Variants in FUS observed in about 807,000 individuals in gnomAD.
FUS encodes RNA-binding protein FUS.
In FUS, 5 loss-of-function variants were observed where a neutral mutation model predicts 82.7. That is an observed-to-expected ratio of 0.06 (90% CI 0.03 to 0.13). The LOEUF (loss-of-function observed/expected upper bound fraction) is 0.13, where lower values mean the gene tolerates loss of function less well. FUS is among the 10% of genes least tolerant of loss of function. FUS has a pLI of 1.00. For synonymous variants in FUS, 281 were observed against 247.4 expected (o/e 1.14, Z -1.27); for missense variants, 512 against 707.8 (o/e 0.72, Z 3.14).
chr16:31,194,369 A>T (rs1243577654), downstream of FUS: 2 of 516,590 alleles, frequency 3.9e-6, no homozygotes, highest in Admixed American at 4.6e-5. Context: ...ACCAACTGCA[A>T]CCTCTGCCTC....
At chr16:31,187,696 A>G (rs1415925232) in intron 7 of FUS, 1 of 234,296 alleles carries the variant, frequency 4.3e-6, no homozygotes, top group Non-Finnish European at 8.4e-6. Flanking sequence ...ACATTGGTCA[A>G]AGATGGTCTC....
Position 31,180,151 on chromosome 16 carries a change from A to C in FUS, c.-64A>C, listed in dbSNP as rs766727320. ...AGGAGGCGGGGCTGCTCAGTCCTCC[A>C]GGCGTCGGTACTCAGCGGTGTTGGA... is the stretch of plus-strand genomic sequence containing the variant. On this transcript the variant is annotated 5_prime_UTR_variant, in exon 1 of 15. Transcript: ENST00000254108. The C allele has an allele frequency of 5.7e-5, 90 of 1,590,518 alleles. No individual in the cohort carries two copies. Among genetic ancestry groups the C allele is most frequent in the Non-Finnish European group, 6.2e-5 (73 of 1,168,070 alleles).
chr16:31,184,480 G>C (rs2079231306), intron 5 of FUS, 84 bp downstream of exon 5: 6 of 1,307,608 alleles, frequency 4.6e-6, no homozygotes, highest in Non-Finnish European at 6.3e-6. Flanking sequence ...CTCTGTCTCT[G>C]TTGCTGAGGC....
At chr16:31,186,464 A>G (rs2079271094) in intron 6 of FUS, 2 of 445,926 alleles carry the variant, frequency 4.5e-6, no homozygotes, top group Non-Finnish European at 8.3e-6. Context: ...TAAACCAACT[A>G]CTTGGTTGTC....
At chr16:31,180,456 C>T (rs2058038705) in intron 1 of FUS, among the ~76,000 whole-genome samples, 1 of 151,056 alleles carries the variant, frequency 6.6e-6, no homozygotes, top group Non-Finnish European at 1.5e-5. Flanking sequence ...AGTCCGTTTG[C>T]TTGGGGTGGG....
chr16:31,187,206 C>T, intron 7 of FUS: 1 of 388,614 alleles, frequency 2.6e-6, no homozygotes, highest in Non-Finnish European at 4.8e-6. Context: ...ATCGTTGTGT[C>T]CAAGGCTTGT....
chr16:31,180,866 C>T (rs2058048424), intron 1 of FUS, among the ~76,000 whole-genome samples: 1 of 151,812 alleles, frequency 6.6e-6, no homozygotes, highest in Non-Finnish European at 1.5e-5. Context: ...GGTCAGGGTT[C>T]GACCAACGGA....
Position 31,184,363 on chromosome 16 carries a change from A to G in FUS, c.490A>G (p.Ser164Gly). 2 of 1,613,932 alleles carry G rather than the reference A, an allele frequency of 1.2e-6. No homozygotes were observed. Among genetic ancestry groups the G allele is most frequent in the Non-Finnish European group, 1.7e-6 (2 of 1,179,972 alleles). ...TGGACAGCAGAACCAGTACAACAGC[A>G]GCAGTGGTGGTGGAGGTGGAGGTGG... ...GYGQQNQYNS[S>G]SGGGGGGGGG... The change falls in exon 5 of 15, where the codon AGC becomes GGC. Residue 164 changes from serine (S) to glycine (G), a missense_variant. Ser to Gly is a moderately conservative substitution (Grantham distance 56). Coordinates refer to ENST00000254108, the MANE Select transcript of FUS (RefSeq NM_004960.4).
intron 8 of FUS, 109 bp downstream of exon 8, chr16:31,188,466 G>A (rs779805277): frequency 2.6e-5 from 30 of 1,159,956 alleles, no homozygotes; most frequent in Non-Finnish European, 3.5e-5. Context: ...TGGGGATAGA[G>A]AAGGAAGGGA....
chr16:31,191,255 T>C (rs2079353471), intron 14 of FUS, 144 bp from the exon 15 acceptor site: 2 of 1,473,694 alleles, frequency 1.4e-6, no homozygotes, highest in Admixed American at 3.6e-5. Context: ...GAAGGAAAAT[T>C]AACTCAGGGG....
chr16:31,188,119 A>G (rs2079297456), intron 7 of FUS: 2 of 608,484 alleles, frequency 3.3e-6, no homozygotes, highest in African/African-American at 3.7e-5. Context: ...CAAGTTACAG[A>G]TCTTAAGGGG....
chr16:31,185,768 A>G (rs2079260312), intron 6 of FUS: 3 of 325,904 alleles, frequency 9.2e-6, no homozygotes, highest in Non-Finnish European at 1.2e-5. Context: ...ATATGCTTTG[A>G]CAGTGGTCTC....
At position 31,191,385 on chromosome 16, in the gene FUS, T is replaced by TC. The variant is rs1284225524; in HGVS notation, c.1542-14_1542-13insC. The TC allele has an allele frequency of 6.2e-7, 1 of 1,611,402 alleles. No individual in the cohort carries two copies. Among genetic ancestry groups the TC allele is most frequent in the African/African-American group, 1.3e-5 (1 of 74,706 alleles). ...AATATAATGGATACTTAATTTTTTT[T>TC]TTTTTTTTTGCAGGGGTGAGCACAG... On this transcript the variant is annotated splice_polypyrimidine_tract_variant and intron_variant, in intron 14 of 14. Transcript: ENST00000254108.
intron 12 of FUS, 122 bp downstream of exon 12, chr16:31,190,520 T>G: frequency 1.3e-6 from 2 of 1,486,112 alleles, no homozygotes; most frequent in Non-Finnish European, 9.4e-7. Flanking sequence ...TGGGGTCAGA[T>G]TTAGCCAAAA....
rs772943835 is a variant in FUS at position 31,183,922 on chromosome 16, G to A, written c.255G>A (p.Gln85=). The change falls in exon 4 of 15, where the codon CAG becomes CAA. Residue 85 remains glutamine, a synonymous_variant. Coordinates refer to ENST00000254108, the MANE Select transcript of FUS (RefSeq NM_004960.4). ...CGACTGGCGGCTATGGCAGTAGCCA[G>A]AGCTCCCAATCGTCTTACGGGCAGC... ...YGSTGGYGSS[Q]SSQSSYGQQS... The A allele has an allele frequency of 6.2e-7, 1 of 1,614,002 alleles. No individual in the cohort carries two copies.
At chr16:31,192,628 T>G (rs980672285), downstream of FUS, 1 of 486,256 alleles carries the variant, frequency 2.1e-6, no homozygotes, top group Non-Finnish European at 4.1e-6. Context: ...TGGCGTGATC[T>G]CGGCTCACTG....
intron 6 of FUS, 66 bp downstream of exon 6, chr16:31,185,245 G>C (rs2079250653): frequency 1.3e-6 from 2 of 1,513,442 alleles, no homozygotes; most frequent in East Asian, 4.6e-5. Flanking sequence ...GAATCTCCCT[G>C]AAGCCAGTCC....
chr16:31,184,926 T>C lies in FUS; in HGVS notation c.524-13T>C, dbSNP rs1219450212. On this transcript the variant is annotated splice_polypyrimidine_tract_variant and intron_variant, in intron 5 of 14. Transcript: ENST00000254108. ...TTGTTTTTTTTTTTTAATCATTCTT[T>C]CTTTTCTCACAGGTAACTATGGCCA... 1.2e-6 allele frequency: 2 copies of C among 1,613,170 alleles called. No homozygotes were observed. Among genetic ancestry groups the C allele is most frequent in the African/African-American group, 1.3e-5 (1 of 74,974 alleles).
In FUS at chr16:31,184,508, A is replaced by G. The variant is rs138204174; in HGVS notation, c.523+112A>G. 6.7e-4 allele frequency: 722 copies of G among 1,081,174 alleles called. 3 individuals are homozygous for G. In the African/African-American group the frequency reaches 0.01, roughly 16 times the overall value. The allele number at this position is 1,081,174 out of a possible 1,614,324, so 67.0% of individuals were successfully genotyped here. A position where few individuals can be genotyped will look rare whatever the true frequency, so the allele number is the denominator to read the frequency against. On this transcript the variant is annotated intron_variant, in intron 5 of 14. Transcript: ENST00000254108. ...GCTGAGGCTGGAGTGCAGTGGCACAATCTCGGCTCACTGCAAGCTCCGCCT... is the reference window on the plus strand; with the variant it reads ...GCTGAGGCTGGAGTGCAGTGGCACAGTCTCGGCTCACTGCAAGCTCCGCCT...
Sources: allele counts gnomAD v4.1 joint callset (sites outside exome capture counted in the v4.1 genomes callset), GRCh38; gene constraint gnomAD v4.1.1; transcripts MANE v1.5; gene names NCBI Gene and HGNC (gene_info 2026-07-23, HGNC 2026-07-21).